ACYP2: variants seen among roughly 807,000 people sequenced by gnomAD.
ACYP2 encodes acylphosphatase-2.
In ACYP2, 12 loss-of-function variants were observed where a neutral mutation model predicts 11.2. The ratio of observed to expected loss-of-function variants is 1.08; its 90% confidence interval spans 0.69 to 1.74. ACYP2 has a LOEUF of 1.74. Ranked by LOEUF, ACYP2 falls within the 40% of genes most tolerant of loss-of-function variation. The pLI, the probability that ACYP2 is intolerant of heterozygous loss-of-function variation, is 0.00. For missense variants in ACYP2, 134 were observed against 101.9 expected (o/e 1.31, Z -1.35); for synonymous variants, 43 against 32.2 (o/e 1.33, Z -1.13).
chr2:54,096,544 C>T (rs1321257998), intron 4 of ACYP2, among the ~76,000 whole-genome samples: 19 of 152,230 alleles, frequency 1.2e-4, no homozygotes, highest in Non-Finnish European at 2.1e-4. Context: ...CTGGGCACCA[C>T]TGAGCACTGA....
intron 4 of ACYP2, among the ~76,000 whole-genome samples, chr2:54,068,640 C>T (rs919115704): frequency 6.6e-6 from 1 of 152,194 alleles, no homozygotes; most frequent in Admixed American, 6.5e-5. Context: ...TATGAGATGT[C>T]TGTGTCCTCA....
At chr2:54,201,684 C>CTTTCTT (rs1684835755) in intron 6 of ACYP2, among the ~76,000 whole-genome samples, 51 of 39,508 alleles carry the variant, frequency 1.3e-3, no homozygotes, top group South Asian at 0.011. Flanking sequence ...CTTTCTTTCT[C>CTTTCTT]TCTCTCTCTC....
chr2:54,211,462 C>G (rs1685327135), intron 6 of ACYP2, among the ~76,000 whole-genome samples: 1 of 152,146 alleles, frequency 6.6e-6, no homozygotes, highest in Non-Finnish European at 1.5e-5. Flanking sequence ...GCTGTTAGTT[C>G]TTGCTCTGCT....
At chr2:54,064,007 T>C (rs897304806) in intron 4 of ACYP2, among the ~76,000 whole-genome samples, 7 of 152,208 alleles carry the variant, frequency 4.6e-5, no homozygotes, top group African/African-American at 1.7e-4. Flanking sequence ...TCTTTTTCTT[T>C]TCTTTTCCTC....
At chr2:53,983,499 CT>C (rs1671867189) in intron 2 of ACYP2, among the ~76,000 whole-genome samples, 1 of 152,024 alleles carries the variant, frequency 6.6e-6, no homozygotes, top group Non-Finnish European at 1.5e-5. Context: ...GAGCAAGACC[CT>C]GTCTCAAAAA....
intron 6 of ACYP2, among the ~76,000 whole-genome samples, chr2:54,261,147 G>A (rs1298766875): frequency 6.6e-6 from 1 of 152,208 alleles, no homozygotes; most frequent in Non-Finnish European, 1.5e-5. Flanking sequence ...ATTGAAAGGT[G>A]AGTAGTGATA....
intron 2 of ACYP2, among the ~76,000 whole-genome samples, chr2:53,995,156 T>TAAA (rs779853939): frequency 9.5e-4 from 144 of 152,340 alleles, no homozygotes; most frequent in Non-Finnish European, 1.6e-3. Context: ...GCAGCTCTTC[T>TAAA]CTCAGAGAAC....
intron 4 of ACYP2, among the ~76,000 whole-genome samples, chr2:54,134,746 G>C (rs768762835): frequency 2.0e-5 from 3 of 152,068 alleles, no homozygotes; most frequent in Non-Finnish European, 4.4e-5. Flanking sequence ...TAAATACAGG[G>C]GTTCCCCCTT....
chr2:54,104,318 T>A (rs914535234), intron 4 of ACYP2, among the ~76,000 whole-genome samples: 3 of 152,206 alleles, frequency 2.0e-5, no homozygotes, highest in Non-Finnish European at 4.4e-5. Flanking sequence ...TGTTCATAAA[T>A]TCCTTCATGA....
chr2:54,169,955 C>T (rs1045458755), intron 6 of ACYP2, among the ~76,000 whole-genome samples: 3 of 151,960 alleles, frequency 2.0e-5, no homozygotes, highest in Non-Finnish European at 4.4e-5. Context: ...GACTTTTTAC[C>T]GTGATAGACA....
intron 4 of ACYP2, among the ~76,000 whole-genome samples, chr2:54,096,386 C>T (rs1328879870): frequency 2.0e-5 from 3 of 149,090 alleles, no homozygotes; most frequent in Non-Finnish European, 3.0e-5. Context: ...ACGTCCCAGA[C>T]GATGGATGGC....
intron 6 of ACYP2, among the ~76,000 whole-genome samples, chr2:54,241,836 A>C (rs1686742590): frequency 6.6e-6 from 1 of 152,168 alleles, no homozygotes; most frequent in Admixed American, 6.5e-5. Flanking sequence ...AACGTGGTGA[A>C]ACCCTGCCTC....
intron 2 of ACYP2, among the ~76,000 whole-genome samples, chr2:54,001,284 C>G (rs1040076369): frequency 2.6e-5 from 4 of 152,074 alleles, no homozygotes; most frequent in Admixed American, 2.0e-4. Context: ...ATACTTGGGT[C>G]TGGGTGTTTG....
chr2:54,195,794 G>GTTTTTGTTTTTTTTTTT (rs1442057879), intron 6 of ACYP2, among the ~76,000 whole-genome samples: 1 of 83,134 alleles, frequency 1.2e-5, no homozygotes, highest in Non-Finnish European at 2.2e-5. Context: ...TTTGTTGTGG[G>GTTTTTGTTTTTTTTTTT]TTTTTTTTTT....
chr2:54,241,884 G>C (rs745343407), intron 6 of ACYP2, among the ~76,000 whole-genome samples: 1 of 152,052 alleles, frequency 6.6e-6, no homozygotes, highest in Non-Finnish European at 1.5e-5. Flanking sequence ...GTGGTGGCAG[G>C]CACCTATAAT....
intron 4 of ACYP2, among the ~76,000 whole-genome samples, chr2:54,124,264 G>T (rs945134782): frequency 6.6e-6 from 1 of 151,888 alleles, no homozygotes. Context: ...GCGCGATGTG[G>T]GCTCACCGCA....
At chr2:54,202,629 A>T (rs947662629) in intron 6 of ACYP2, among the ~76,000 whole-genome samples, 1 of 142,946 alleles carries the variant, frequency 7.0e-6, no homozygotes, top group Non-Finnish European at 1.5e-5. Context: ...GTTGGTTTCG[A>T]ACTCCTGACC....
At chr2:54,142,701 C>T (rs530833576) in intron 6 of ACYP2, 2 of 151,986 alleles carry the variant, frequency 1.3e-5, no homozygotes, top group East Asian at 3.9e-4. Flanking sequence ...CCAGTCTGGG[C>T]AATGGGAGTA....
At chr2:54,199,758 TA>T (rs1399064833) in intron 6 of ACYP2, among the ~76,000 whole-genome samples, 15 of 152,246 alleles carry the variant, frequency 9.9e-5, no homozygotes, top group Admixed American at 9.8e-4. Flanking sequence ...GTTTAAGAAC[TA>T]TGGAGCTGCA....
Sources: allele counts gnomAD v4.1 joint callset (sites outside exome capture counted in the v4.1 genomes callset), GRCh38; gene constraint gnomAD v4.1.1; transcripts MANE v1.5; gene names NCBI Gene and HGNC (gene_info 2026-07-23, HGNC 2026-07-21).